The following KYNU variants were observed in gnomAD, a reference collection of about 807,000 sequenced individuals.
KYNU encodes kynureninase, also known as L-kynurenine hydrolase.
Under a neutral mutation model 59.2 loss-of-function variants are expected in KYNU, and 54 were observed. The observed-to-expected ratio is 0.91, with a 90% confidence interval of 0.73 to 1.14. The LOEUF is 1.14. Among genes scored for constraint, KYNU ranks in the 50% most tolerant of loss-of-function variants. KYNU has a pLI of 0.00. For missense variants in KYNU, 567 were observed against 554.4 expected, an observed-to-expected ratio of 1.02 and a Z score of -0.23; for synonymous variants, 177 against 192.0, an observed-to-expected ratio of 0.92 and a Z score of 0.65.
At chr2:142,952,490 TA>T (rs1684025791) in intron 4 of KYNU, among the ~76,000 whole-genome samples, 1 of 152,262 alleles carries the variant, frequency 6.6e-6, no homozygotes, top group African/African-American at 2.4e-5. Context: ...TCACCCAGGC[TA>T]GAGTGTGGAG....
intron 1 of KYNU, among the ~76,000 whole-genome samples, chr2:142,882,454 T>C (rs1681335731): frequency 6.6e-6 from 1 of 152,102 alleles, no homozygotes; most frequent in African/African-American, 2.4e-5. Context: ...ACATTACATA[T>C]TTCTCCTACT....
chr2:142,908,605 C>T (rs567257459), intron 2 of KYNU, among the ~76,000 whole-genome samples: 1 of 151,806 alleles, frequency 6.6e-6, no homozygotes, highest in Non-Finnish European at 1.5e-5. Context: ...TGTGATAGAC[C>T]AGTATCTAAG....
chr2:142,971,751 G>A (rs141350292), intron 8 of KYNU, among the ~76,000 whole-genome samples: 2 of 152,280 alleles, frequency 1.3e-5, no homozygotes, highest in Non-Finnish European at 2.9e-5. Context: ...AAGTGGACCA[G>A]GTTGATTTGA....
chr2:143,033,741 TTA>T (rs1469469967), intron 12 of KYNU, among the ~76,000 whole-genome samples: 1 of 152,206 alleles, frequency 6.6e-6, no homozygotes, highest in Non-Finnish European at 1.5e-5. Flanking sequence ...CCTGATGTGA[TTA>T]CTAGGGACTG....
chr2:143,033,262 G>T lies in KYNU; in HGVS notation c.982G>T (p.Gly328Ter). 1.2e-6 allele frequency: 2 copies of T among 1,613,444 alleles called. No individual in the cohort carries two copies. The highest frequency in any genetic ancestry group is 1.7e-6 in the Non-Finnish European group (2 of 1,179,418). The stretch of plus-strand genomic sequence containing the variant: ...ACTGCAGTTAATCCCTGGGGTCTGT[G>T]GATTCCGAATTTCAAATCCTCCCAT... ...NKLQLIPGVC[G>*]FRISNPPILL... The change falls in exon 12 of 14, where the codon GGA (glycine) becomes TGA (stop). Residue 328 changes from glycine (G) to a stop codon, truncating the protein, a stop_gained. Coordinates refer to ENST00000264170, the MANE Select transcript of KYNU (RefSeq NM_003937.3). LOFTEE classifies it high-confidence loss of function.
chr2:142,911,311 G>A (rs1054494512), intron 2 of KYNU, among the ~76,000 whole-genome samples: 4 of 151,938 alleles, frequency 2.6e-5, no homozygotes, highest in African/African-American at 4.8e-5. Context: ...GTGTTTTACT[G>A]TTTTTTCGCT....
At chr2:142,987,974 A>G (rs911979217) in intron 10 of KYNU, among the ~76,000 whole-genome samples, 1 of 151,860 alleles carries the variant, frequency 6.6e-6, no homozygotes, top group Admixed American at 6.6e-5. Context: ...ACCCTCTGCC[A>G]TGGTTGTAAG....
At chr2:142,889,964 G>A (rs1177044047) in intron 2 of KYNU, among the ~76,000 whole-genome samples, 2 of 151,576 alleles carry the variant, frequency 1.3e-5, no homozygotes, top group African/African-American at 4.8e-5. Flanking sequence ...TTTTCTCTGG[G>A]TTTCTAATAT....
chr2:143,021,772 T>C (rs1008286085), intron 10 of KYNU, among the ~76,000 whole-genome samples: 12 of 152,160 alleles, frequency 7.9e-5, no homozygotes, highest in African/African-American at 2.9e-4. Flanking sequence ...ACCTTCGACA[T>C]TGGGAATTAC....
intron 12 of KYNU, 44 bp from the exon 13 acceptor site, chr2:143,040,384 T>C (rs1217640423): frequency 6.1e-6 from 9 of 1,465,102 alleles, no homozygotes; most frequent in Admixed American, 5.0e-5. Context: ...TGCTTCTTTG[T>C]AAATCAATAA....
chr2:143,034,366 C>G (rs1458999086), intron 12 of KYNU, among the ~76,000 whole-genome samples: 3 of 152,132 alleles, frequency 2.0e-5, no homozygotes, highest in Non-Finnish European at 4.4e-5. Flanking sequence ...ATTTCAGCAT[C>G]AAATGAGTGA....
chr2:142,918,841 C>T lies in KYNU; in HGVS notation c.290+112C>T, dbSNP rs968234795. ...TGTAATAGAATCCTAGTACAGTCAT[C>T]CCTTGGCATCTGTGGAGGATTAGTT... is the stretch of plus-strand genomic sequence containing the variant. On this transcript the variant is annotated intron_variant, in intron 3 of 13. Coordinates refer to ENST00000264170, the MANE Select transcript of KYNU (RefSeq NM_003937.3). 11 of 1,229,798 alleles carry T rather than the reference C, an allele frequency of 8.9e-6. No homozygotes were observed. The Admixed American group carries it at 2.2e-4, about 24-fold the overall frequency. 76.2% of individuals were successfully genotyped at this position (1,229,798 alleles called of 1,614,324 possible).
chr2:142,914,573 A>G (rs1462654213), intron 2 of KYNU, among the ~76,000 whole-genome samples: 2 of 152,174 alleles, frequency 1.3e-5, no homozygotes, highest in African/African-American at 4.8e-5. Context: ...AATTCCAGCA[A>G]GTCTATAGGC....
At chr2:142,926,046 C>T (rs952463074) in intron 3 of KYNU, among the ~76,000 whole-genome samples, 10 of 152,012 alleles carry the variant, frequency 6.6e-5, no homozygotes, top group East Asian at 1.9e-4. Flanking sequence ...AACCAAGCAC[C>T]GCATGTTCTC....
intron 2 of KYNU, among the ~76,000 whole-genome samples, chr2:142,887,479 T>C (rs1258176271): frequency 6.6e-6 from 1 of 151,924 alleles, no homozygotes; most frequent in African/African-American, 2.4e-5. Context: ...AAAAGCAAGA[T>C]CCCCAAAAGA....
chr2:142,912,719 T>G (rs1682528832), intron 2 of KYNU, among the ~76,000 whole-genome samples: 1 of 138,060 alleles, frequency 7.2e-6, no homozygotes, highest in South Asian at 2.5e-4. Flanking sequence ...TTTTTTTTTT[T>G]TTTTTTTTGA....
chr2:142,877,948 T>A (rs1347629628), intron 1 of KYNU, among the ~76,000 whole-genome samples: 1 of 152,174 alleles, frequency 6.6e-6, no homozygotes, highest in Admixed American at 6.5e-5. Context: ...AATGAAAAGA[T>A]CTTTACTAAT....
Position 143,055,691 on chromosome 2 carries a change from G to A in KYNU, c.*13519G>A, listed in dbSNP as rs1687343121. 6.6e-6 allele frequency: 1 copy of A among 152,118 alleles called. No individual in the cohort carries two copies. Among genetic ancestry groups the A allele is most frequent in the African/African-American group, 2.4e-5 (1 of 41,326 alleles). 9.4% of individuals were successfully genotyped at this position (152,118 alleles called of 1,614,324 possible). ...GGAAGGAAGGAAGGAAGGAAAGGGA[G>A]GAGAGGAGAGGAGAGGTAGGAGGGA... On this transcript the variant is annotated 3_prime_UTR_variant, in exon 14 of 14. Transcript: ENST00000264170.
chr2:142,941,600 C>T (rs1161776567), intron 4 of KYNU, among the ~76,000 whole-genome samples: 1 of 152,046 alleles, frequency 6.6e-6, no homozygotes, highest in Non-Finnish European at 1.5e-5. Context: ...TTTCAGTGGT[C>T]TGGGTTGTAA....
Sources: gnomAD v4.1 joint callset for allele counts (sites outside exome capture counted in the v4.1 genomes callset) on GRCh38, gnomAD v4.1.1 for gene constraint, MANE v1.5 for transcripts, NCBI Gene and HGNC (gene_info 2026-07-23, HGNC 2026-07-21) for gene names.